The following CDH4 variants were observed in gnomAD, a reference collection of about 807,000 sequenced individuals.
CDH4 encodes cadherin-4.
CDH4 carries 33 observed loss-of-function variants against 86.0 expected under a neutral mutation model. The ratio of observed to expected loss-of-function variants is 0.38; its 90% CI spans 0.29 to 0.51. The LOEUF (loss-of-function observed/expected upper bound fraction) is 0.51, where lower values mean the gene tolerates loss of function less well. CDH4 is among the 20% of genes least tolerant of loss of function. The pLI, the probability that CDH4 is intolerant of heterozygous loss-of-function variation, is 0.86. For missense variants in CDH4, 1,114 were observed against 1,307.4 expected (o/e 0.85, Z 2.28); for synonymous variants, 555 against 549.4 (o/e 1.01, Z -0.14).
chr20:61,918,896 G>C (rs998757453), intron 9 of CDH4, among the ~76,000 whole-genome samples: 1 of 152,130 alleles, frequency 6.6e-6, no homozygotes, highest in Non-Finnish European at 1.5e-5. Flanking sequence ...TTTGAGACGA[G>C]GTCTTACTCT....
At chr20:61,455,463 T>G (rs1010593032) in intron 2 of CDH4, among the ~76,000 whole-genome samples, 2 of 152,254 alleles carry the variant, frequency 1.3e-5, no homozygotes, top group African/African-American at 2.4e-5. Flanking sequence ...ACAGCTTCCC[T>G]TCTGTGCATA....
At chr20:61,485,968 G>A (rs760246797) in intron 2 of CDH4, among the ~76,000 whole-genome samples, 1 of 152,204 alleles carries the variant, frequency 6.6e-6, no homozygotes, top group Non-Finnish European at 1.5e-5. Context: ...CCAACAATCT[G>A]ATGAGTGCAT....
At chr20:61,750,027 C>A (rs749767241) in intron 3 of CDH4, among the ~76,000 whole-genome samples, 5 of 152,092 alleles carry the variant, frequency 3.3e-5, no homozygotes, top group Non-Finnish European at 7.4e-5. Context: ...CACCACTGCA[C>A]TCTAGCCTGG....
In CDH4 at chr20:61,460,482, C is replaced by A. The variant is rs547617174; in HGVS notation, c.169+205545C>A. 2.6e-5 allele frequency among the ~76,000 whole-genome samples: 4 copies of A among 152,294 alleles called. No homozygotes were observed. The South Asian group carries it at 8.3e-4, about 32-fold the overall frequency. On this transcript the variant is annotated intron_variant, in intron 2 of 15. Coordinates refer to ENST00000614565, the MANE Select transcript of CDH4 (RefSeq NM_001794.5). ...CCAACCAAAGGTGGGCAGTAGGGGG[C>A]CCCAGAGCCCCCGGCCTCACCTGCC...
intron 11 of CDH4, among the ~76,000 whole-genome samples, chr20:61,926,879 G>GA (rs201937796): frequency 0.036 from 5,487 of 151,736 alleles, 331 homozygotes; most frequent in African/African-American, 0.12. Context: ...TCTCAAAAAA[G>GA]AAAAAAAAGA....
chr20:61,697,321 C>T (rs188024366), intron 2 of CDH4, among the ~76,000 whole-genome samples: 8 of 152,204 alleles, frequency 5.3e-5, no homozygotes, highest in East Asian at 1.9e-4. Flanking sequence ...GACAGAAGGC[C>T]GGGCACAGTG....
At chr20:61,536,480 G>T (rs899477608) in intron 2 of CDH4, among the ~76,000 whole-genome samples, 1 of 151,916 alleles carries the variant, frequency 6.6e-6, no homozygotes, top group Non-Finnish European at 1.5e-5. Context: ...AGGGAGGGAG[G>T]GGGAGGGAGA....
chr20:61,848,180 G>A (rs1179855901), intron 5 of CDH4, among the ~76,000 whole-genome samples: 1 of 152,208 alleles, frequency 6.6e-6, no homozygotes, highest in African/African-American at 2.4e-5. Context: ...ACACCTGCAG[G>A]CCCCAGCCCT....
At chr20:61,598,730 T>C (rs1467006097) in intron 2 of CDH4, among the ~76,000 whole-genome samples, 1 of 152,140 alleles carries the variant, frequency 6.6e-6, no homozygotes. Context: ...CACCCTCTTC[T>C]CCACGCGTCC....
intron 2 of CDH4, among the ~76,000 whole-genome samples, chr20:61,444,385 G>GCGTTCACC (rs2085333261): frequency 1.1e-5 from 1 of 90,776 alleles, no homozygotes; most frequent in East Asian, 3.2e-4. Flanking sequence ...GTGTGTCTAT[G>GCGTTCACC]TGTGTCTGTG....
intron 2 of CDH4, chr20:61,718,890 C>G (rs2087996956): frequency 2.1e-6 from 1 of 470,976 alleles, no homozygotes; most frequent in Admixed American, 2.3e-5. Context: ...ATGGAACTCT[C>G]TGTCTGCTGC....
intron 2 of CDH4, among the ~76,000 whole-genome samples, chr20:61,344,942 G>A (rs12624833): frequency 0.21 from 31,719 of 152,154 alleles, 3,430 homozygotes; most frequent in African/African-American, 0.27. Context: ...TTGACCCGCA[G>A]ACTCGAGTCT....
chr20:61,911,736 C>T (rs567329999), intron 9 of CDH4, among the ~76,000 whole-genome samples: 31 of 148,900 alleles, frequency 2.1e-4, no homozygotes, highest in African/African-American at 7.0e-4. Flanking sequence ...TAGGATATGC[C>T]GAAGCGTAAG....
At chr20:61,766,215 T>C (rs1316657996) in intron 3 of CDH4, among the ~76,000 whole-genome samples, 1 of 149,592 alleles carries the variant, frequency 6.7e-6, no homozygotes, top group Non-Finnish European at 1.5e-5. Context: ...CCTCGCCACT[T>C]GGCCCCAGCT....
chr20:61,804,894 A>G (rs1980041384), intron 4 of CDH4, among the ~76,000 whole-genome samples: 1 of 152,222 alleles, frequency 6.6e-6, no homozygotes, highest in Non-Finnish European at 1.5e-5. Context: ...TAAACGGAAC[A>G]TACAGAGCTG....
chr20:61,574,292 G>T (rs375238818), intron 2 of CDH4, among the ~76,000 whole-genome samples: 41 of 152,374 alleles, frequency 2.7e-4, no homozygotes, highest in Admixed American at 1.2e-3. Context: ...GCCAGCAAAT[G>T]CCTGTGTGCC....
chr20:61,284,594 A>T (rs1185004417), intron 2 of CDH4, among the ~76,000 whole-genome samples: 4 of 152,248 alleles, frequency 2.6e-5, no homozygotes, highest in African/African-American at 9.6e-5. Flanking sequence ...ACACATACTT[A>T]TAACATATGC....
At chr20:61,850,533 A>T (rs1051894533) in intron 5 of CDH4, among the ~76,000 whole-genome samples, 4 of 152,246 alleles carry the variant, frequency 2.6e-5, no homozygotes, top group Admixed American at 2.6e-4. Flanking sequence ...CTGGACAGTC[A>T]TCTGTCAACA....
chr20:61,520,374 T>C (rs1467458508), intron 2 of CDH4, among the ~76,000 whole-genome samples: 1 of 152,166 alleles, frequency 6.6e-6, no homozygotes, highest in Admixed American at 6.5e-5. Flanking sequence ...AAATGCCACA[T>C]CCATCCCTTG....
Sources: gnomAD v4.1 joint callset for allele counts (sites outside exome capture counted in the v4.1 genomes callset) on GRCh38, gnomAD v4.1.1 for gene constraint, MANE v1.5 for transcripts, NCBI Gene and HGNC (gene_info 2026-07-23, HGNC 2026-07-21) for gene names.